POLE: variants seen among roughly 807,000 people sequenced by gnomAD.
POLE encodes DNA polymerase epsilon, catalytic subunit.
A neutral mutation model predicts 279.2 loss-of-function variants in POLE; 188 were observed. That is an observed-to-expected ratio of 0.67 (90% CI 0.60 to 0.76). POLE has a LOEUF of 0.76. Ranked by LOEUF, POLE falls within the 30% of genes least tolerant of loss-of-function variation. The pLI, the probability that POLE is intolerant of heterozygous loss-of-function variation, is 0.00. For missense variants in POLE, 2,703 were observed against 3,016.7 expected, an observed-to-expected ratio of 0.90 and a Z score of 2.44; for synonymous variants, 1,214 against 1,172.5, an observed-to-expected ratio of 1.04 and a Z score of -0.72.
Position 132,661,512 on chromosome 12 carries a change from C to T in POLE, c.2864+15G>A. 1 of 1,613,500 alleles carries T rather than the reference C, an allele frequency of 6.2e-7. No individual in the cohort carries two copies. The highest frequency in any genetic ancestry group is 1.7e-4 in the Middle Eastern group (1 of 6,054). On this transcript the variant is annotated intron_variant, in intron 24 of 48. Coordinates refer to ENST00000320574, the MANE Select transcript of POLE (RefSeq NM_006231.4). The surrounding 1 kb of genome is among the most constrained non-coding windows in gnomAD (Gnocchi z 4.1). ...CCATGTCCTTTCTAAAGCACAAAAG[C>T]TATGAGAGTCCCACCTCTTCTTCAA...
Position 132,680,222 on chromosome 12 carries a change from C to G in POLE, c.286G>C (p.Val96Leu). 6.2e-7 allele frequency: 1 copy of G among 1,613,898 alleles called. No individual in the cohort carries two copies. The highest frequency in any genetic ancestry group is 1.3e-5 in the African/African-American group (1 of 75,016). ...FIQDDGSRFKVALPYKPYFYI... is the reference protein window; with the variant it reads ...FIQDDGSRFKLALPYKPYFYI... ...AAATACGGTTTATAGGGCAAAGCCA[C>G]CTGTTAAGAGTCACCAACCCATCCA... is the stretch of plus-strand genomic sequence containing the variant. The change falls in exon 4 of 49, where the codon GTG becomes CTG. Residue 96 changes from valine (V) to leucine (L), a missense_variant and splice_region_variant. By Grantham distance (32) the Val-to-Leu change is conservative (BLOSUM62 1). This residue lies in a region of POLE where 1,011 missense variants were observed against 1,111.7 expected (regional missense o/e 0.91). Transcript: ENST00000320574.
chr12:132,676,560 T>C lies in POLE; in HGVS notation c.895A>G (p.Met299Val), dbSNP rs370727992. 1.8e-5 allele frequency: 29 copies of C among 1,612,214 alleles called. No homozygotes were observed. Among genetic ancestry groups the C allele is most frequent in the Non-Finnish European group, 2.2e-5 (26 of 1,178,388 alleles). ...CACCTGCTCACCTGGCCATCGATCATGTAGGAAATCATCATAATCTGGTCT... is the reference window on the plus strand; with the variant it reads ...CACCTGCTCACCTGGCCATCGATCACGTAGGAAATCATCATAATCTGGTCT... ...ETDQIMMISY[M>V]IDGQGYLITN... Residue 299 changes from methionine (M) to valine (V), a missense_variant, in exon 9 of 49, where the codon ATG becomes GTG. Physicochemically the swap from Met to Val is conservative, Grantham distance 21. Transcript: ENST00000320574.
rs2138507812 is a variant in POLE at position 132,639,098 on chromosome 12, G to C, written c.5552+27C>G. 6.2e-7 allele frequency: 1 copy of C among 1,609,680 alleles called. No homozygotes were observed. Among genetic ancestry groups the C allele is most frequent in the Non-Finnish European group, 8.5e-7 (1 of 1,176,356 alleles). On this transcript the variant is annotated intron_variant, in intron 40 of 48. Coordinates refer to ENST00000320574, the MANE Select transcript of POLE (RefSeq NM_006231.4). The surrounding 1 kb of genome is among the most constrained non-coding windows in gnomAD (Gnocchi z 4.7). ...GACCAGCCCAGCTGAGGACGCGGTGGACAGCCCAGGGAGGAGGAGCACTCA... is the reference window on the plus strand; with the variant it reads ...GACCAGCCCAGCTGAGGACGCGGTGCACAGCCCAGGGAGGAGGAGCACTCA...
chr12:132,673,427 A>G (rs1056507066), intron 13 of POLE, 148 bp downstream of exon 13: 7 of 1,279,536 alleles, frequency 5.5e-6, no homozygotes, highest in Non-Finnish European at 7.8e-6. Context: ...TCCCGGAGAC[A>G]CAGCCTGCTG....
intron 21 of POLE, among the ~76,000 whole-genome samples, chr12:132,665,078 A>G (rs1462546982): frequency 2.6e-5 from 4 of 151,574 alleles, no homozygotes; most frequent in Non-Finnish European, 5.9e-5. Flanking sequence ...AGACACATAC[A>G]CCCCACAGCA....
Position 132,638,150 on chromosome 12 carries a change from A to G in POLE, c.5553-11T>C, listed in dbSNP as rs1282557157. The G allele has an allele frequency of 6.2e-7, 1 of 1,613,154 alleles. No individual in the cohort carries two copies. The highest frequency in any genetic ancestry group is 2.2e-5 in the East Asian group (1 of 44,858). On this transcript the variant is annotated splice_polypyrimidine_tract_variant and intron_variant, in intron 40 of 48. Coordinates refer to ENST00000320574, the MANE Select transcript of POLE (RefSeq NM_006231.4). ...AACTCAGCGATGAGCCTGTGGAGCAAGTTGAGAGTCCGTGGTGGAGACGCC... is the reference window on the plus strand; with the variant it reads ...AACTCAGCGATGAGCCTGTGGAGCAGGTTGAGAGTCCGTGGTGGAGACGCC...
chr12:132,678,202 G>A (rs1195932090), intron 6 of POLE, among the ~76,000 whole-genome samples: 1 of 148,324 alleles, frequency 6.7e-6, no homozygotes, highest in Non-Finnish European at 1.5e-5. Context: ...TAGCTTGGAT[G>A]ATAACTCTAC....
In POLE at chr12:132,642,745, A is replaced by AT; in HGVS notation, c.4729-17dup. 1 of 1,613,474 alleles carries AT rather than the reference A, an allele frequency of 6.2e-7. No homozygotes were observed. The highest frequency in any genetic ancestry group is 1.7e-5 in the Admixed American group (1 of 59,920). On this transcript the variant is annotated splice_polypyrimidine_tract_variant and intron_variant, in intron 36 of 48. Coordinates refer to ENST00000320574, the MANE Select transcript of POLE (RefSeq NM_006231.4). ...GGCGCTCCTCCTGGGTCAAGGCAAA[A>AT]TGGAAGAAAAGACCTGGGTGGACCC...
intron 16 of POLE, among the ~76,000 whole-genome samples, chr12:132,671,188 A>G (rs765100081): frequency 4.9e-5 from 7 of 143,656 alleles, no homozygotes; most frequent in Admixed American, 7.4e-5. Flanking sequence ...GCTTGAACCC[A>G]GGAGGCAAAG....
chr12:132,642,781 A>C (rs1289099715), intron 36 of POLE, 39 bp downstream of exon 36: 1 of 1,613,214 alleles, frequency 6.2e-7, no homozygotes, highest in Non-Finnish European at 8.5e-7. Context: ...AGCCTCAAAG[A>C]AGATGGGGCT....
At chr12:132,682,653 C>T (rs2043194260) in intron 1 of POLE, among the ~76,000 whole-genome samples, 1 of 151,864 alleles carries the variant, frequency 6.6e-6, no homozygotes, top group Non-Finnish European at 1.5e-5. Context: ...CTACAATTAC[C>T]TCAAAAAAAG....
At chr12:132,632,607 AGAG>A in intron 44 of POLE, 54 bp downstream of exon 44, 1 of 1,612,562 alleles carries the variant, frequency 6.2e-7, no homozygotes, top group Non-Finnish European at 8.5e-7. Context: ...CATGGCACAC[AGAG>A]GAGTTAGGTC....
chr12:132,660,763 G>A (rs976892467), intron 25 of POLE: 42 of 406,792 alleles, frequency 1.0e-4, no homozygotes, highest in African/African-American at 6.9e-4. Context: ...TTAGAAAAAC[G>A]TTTCCCTCAG....
chr12:132,665,381 T>C lies in POLE; in HGVS notation c.2389A>G (p.Met797Val), dbSNP rs142196181. Residue 797 changes from methionine to valine, a missense_variant, in exon 21 of 49, where the codon ATG (methionine) becomes GTG (valine). Transcript: ENST00000320574. ...DAAEVKRCKNMEVLYDSLQLA... is the reference protein window; with the variant it reads ...DAAEVKRCKNVEVLYDSLQLA... ...TGCAGCGAGTCATACAGCACCTCCA[T>C]GTTCTTGCAGCGCTTCACCTCAGCC... The C allele has an allele frequency of 1.1e-5, 17 of 1,613,954 alleles. No individual in the cohort carries two copies. Among genetic ancestry groups the C allele is most frequent in the Admixed American group, 1.7e-5 (1 of 60,008 alleles).
At position 132,649,365 on chromosome 12, in the gene POLE, C is replaced by G. The variant is rs1593749696; in HGVS notation, c.3946G>C (p.Gly1316Arg). The change falls in exon 31 of 49, where the codon GGG becomes CGG. Residue 1316 changes from glycine (G) to arginine (R), a missense_variant. Coordinates refer to ENST00000320574, the MANE Select transcript of POLE (RefSeq NM_006231.4). ...AIRDGPATGL[G>R]SFLRRTARSI... ...CGGGCAGTTCTTCGCAAGAAGCTCCCCAGCCCCGTGGCAGGACCATCCCGG... is the reference window on the plus strand; with the variant it reads ...CGGGCAGTTCTTCGCAAGAAGCTCCGCAGCCCCGTGGCAGGACCATCCCGG... The G allele has an allele frequency of 6.2e-7, 1 of 1,613,630 alleles. No individual in the cohort carries two copies. The highest frequency in any genetic ancestry group is 8.5e-7 in the Non-Finnish European group (1 of 1,180,042).
Position 132,630,176 on chromosome 12 carries a change from T to C in POLE, c.6330+2139A>G, listed in dbSNP as rs146912267. ...AATAATAGTGGAAAAGTCTGAAATATCCTGAGAGTTACCAACATGTGACAC... is the reference window on the plus strand; with the variant it reads ...AATAATAGTGGAAAAGTCTGAAATACCCTGAGAGTTACCAACATGTGACAC... On this transcript the variant is annotated intron_variant, in intron 45 of 48. Coordinates refer to ENST00000320574, the MANE Select transcript of POLE (RefSeq NM_006231.4). 1.6e-3 allele frequency among the ~76,000 whole-genome samples: 250 copies of C among 152,292 alleles called. 1 individual carries two copies. Among genetic ancestry groups the C allele is most frequent in the African/African-American group, 5.9e-3 (244 of 41,558 alleles).
At chr12:132,662,863 C>T (rs2042709474) in intron 23 of POLE, among the ~76,000 whole-genome samples, 1 of 152,196 alleles carries the variant, frequency 6.6e-6, no homozygotes, top group African/African-American at 2.4e-5. Flanking sequence ...GGGATGTCCA[C>T]TCTGATCCGC....
At chr12:132,680,080 G>A in intron 4 of POLE, 34 bp from the exon 5 acceptor site, 1 of 1,593,544 alleles carries the variant, frequency 6.3e-7, no homozygotes, top group Non-Finnish European at 8.6e-7. Flanking sequence ...GCTTTCCATT[G>A]GTAAAATACA....
Position 132,643,309 on chromosome 12 carries a change from A to AG in POLE, c.4465dup (p.Leu1489ProfsTer56), listed in dbSNP as rs779358361. The AG allele has an allele frequency of 6.2e-7, 1 of 1,614,052 alleles. No homozygotes were observed. Among genetic ancestry groups the AG allele is most frequent in the Admixed American group, 1.7e-5 (1 of 60,032 alleles). ...TTTGTGGGCCTGTGCGTGGTGGTACAGGTAGATATGGCGGATACTCCCTGG... is the reference window on the plus strand; with the variant it reads ...TTTGTGGGCCTGTGCGTGGTGGTACAGGGTAGATATGGCGGATACTCCCTGG... On this transcript the variant is annotated frameshift_variant, in exon 35 of 49. Transcript: ENST00000320574. LOFTEE classifies it high-confidence loss of function.
Sources: gnomAD v4.1 joint callset for allele counts (sites outside exome capture counted in the v4.1 genomes callset) on GRCh38, gnomAD v4.1.1 for gene constraint, gnomAD v4.1.1 regional missense constraint, Gnocchi (gnomAD v3.1) non-coding constraint, MANE v1.5 for transcripts, NCBI Gene and HGNC (gene_info 2026-07-23, HGNC 2026-07-21) for gene names.